RRP36: variants seen among roughly 807,000 people sequenced by gnomAD.
RRP36 encodes the protein ribosomal RNA processing protein 36 homolog.
Under a neutral mutation model 39.8 loss-of-function variants are expected in RRP36, and 44 were observed. The ratio of observed to expected loss-of-function variants is 1.10; its 90% CI spans 0.87 to 1.42. RRP36 has a LOEUF of 1.42. RRP36 is among the 40% of genes most tolerant of loss of function. RRP36 has a pLI of 0.00. For missense variants in RRP36, 316 were observed against 322.4 expected (o/e 0.98, Z 0.15); for synonymous variants, 124 against 123.1 (o/e 1.01, Z -0.05).
At chr6:43,021,876 A>G (rs1762720548) in intron 1 of RRP36, 92 bp downstream of exon 1, 3 of 994,918 alleles carry the variant, frequency 3.0e-6, no homozygotes, top group Non-Finnish European at 3.8e-6. Flanking sequence ...AAGACTGCCA[A>G]GTTCTCTAAG....
Position 43,026,068 on chromosome 6 carries a change from CAG to C in RRP36, c.378_379del (p.Glu128IlefsTer2). ...CGGGACCCTCGCTTTGATGATCTGT[CAG>C]GGGAATATAATCCTGAGGTGTTTGA... On this transcript the variant is annotated frameshift_variant, in exon 4 of 7. Transcript: ENST00000244496. LOFTEE classifies it high-confidence loss of function. 1.2e-6 allele frequency: 2 copies of C among 1,613,782 alleles called. No homozygotes were observed. The highest frequency in any genetic ancestry group is 1.1e-5 in the South Asian group (1 of 91,056).
In RRP36 at chr6:43,025,311, T is replaced by G. The variant is rs1308120959; in HGVS notation, c.327T>G (p.Val109=). Residue 109 remains valine, a synonymous_variant, in exon 3 of 7, where the codon GTT becomes GTG. Coordinates refer to ENST00000244496, the MANE Select transcript of RRP36 (RefSeq NM_033112.4). ...TCCGAGTACCATTTTTACGTCAGGTTGTTCCCATTAGTAAAAAGGTAAGGA... is the reference window on the plus strand; with the variant it reads ...TCCGAGTACCATTTTTACGTCAGGTGGTTCCCATTAGTAAAAAGGTAAGGA... ...AKIRVPFLRQ[V]VPISKKVARD... 2 of 1,613,722 alleles carry G rather than the reference T, an allele frequency of 1.2e-6. No individual in the cohort carries two copies. The highest frequency in any genetic ancestry group is 1.7e-6 in the Non-Finnish European group (2 of 1,180,032).
intron 4 of RRP36, 112 bp from the exon 5 acceptor site, chr6:43,027,066 A>C: frequency 1.1e-6 from 1 of 938,790 alleles, no homozygotes; most frequent in Non-Finnish European, 1.6e-6. Flanking sequence ...TGCATCTCAA[A>C]AAAAAATGTG....
At chr6:43,022,583 G>GTTTA (rs1258303730) in intron 1 of RRP36, among the ~76,000 whole-genome samples, 1 of 83,134 alleles carries the variant, frequency 1.2e-5, no homozygotes, top group African/African-American at 1.7e-4. Flanking sequence ...GCACGGATGG[G>GTTTA]TTTGTTTATT....
rs770632649 is a variant in RRP36, at chr6:43,029,205, C to CATCT, written c.758_761dup (p.Pro255SerfsTer44). 1 of 1,614,224 alleles carries CATCT rather than the reference C, an allele frequency of 6.2e-7. No individual in the cohort carries two copies. The highest frequency in any genetic ancestry group is 1.7e-5 in the Admixed American group (1 of 60,028). On this transcript the variant is annotated frameshift_variant, in exon 7 of 7. Transcript: ENST00000244496. LOFTEE classifies it high-confidence loss of function. ...ACGAAATGCAGGCAAGGACAGGAGA[C>CATCT]ATCTCCCTTTGAGCAAAGAGTAATA...
intron 4 of RRP36, among the ~76,000 whole-genome samples, chr6:43,026,786 C>T (rs907472356): frequency 6.6e-6 from 1 of 151,648 alleles, no homozygotes; most frequent in Non-Finnish European, 1.5e-5. Context: ...AGGTGGATCA[C>T]GAGGTCAGGA....
chr6:43,022,632 C>CATT (rs1554133649), intron 1 of RRP36, among the ~76,000 whole-genome samples: 4 of 107,096 alleles, frequency 3.7e-5, no homozygotes, highest in Non-Finnish European at 7.2e-5. Context: ...AAGGTCTCAC[C>CATT]TTTTTTTTTT....
At chr6:43,024,926 T>C (rs1762783328) in intron 1 of RRP36, 59 bp from the exon 2 acceptor site, 4 of 1,595,428 alleles carry the variant, frequency 2.5e-6, no homozygotes, top group Non-Finnish European at 3.4e-6. Flanking sequence ...GATGGGAAGA[T>C]GTCTTTTCTG....
chr6:43,021,719 C>T lies in RRP36; in HGVS notation c.65C>T (p.Ala22Val). 1 of 1,228,740 alleles carries T rather than the reference C, an allele frequency of 8.1e-7. No homozygotes were observed. The highest frequency in any genetic ancestry group is 3.2e-5 in the East Asian group (1 of 31,442). The allele number at this position is 1,228,740 out of a possible 1,614,324, so 76.1% of individuals were successfully genotyped here. ...AGAGARRPRG[A>V]RDREEDGGGL... ...GCCGGGGCCCGACGTCCCCGCGGGG[C>T]CCGGGACCGCGAGGAGGACGGCGGG... Residue 22 changes from alanine to valine, a missense_variant, in exon 1 of 7, where the codon GCC becomes GTC. Transcript: ENST00000244496.
Position 43,027,254 on chromosome 6 carries a change from T to C in RRP36, c.525+2T>C. 1.9e-6 allele frequency: 3 copies of C among 1,614,072 alleles called. No individual in the cohort carries two copies. The highest frequency in any genetic ancestry group is 2.5e-6 in the Non-Finnish European group (3 of 1,179,930). ...CTGCAGCAACTGCTTCAGCGAATGG[T>C]GAGTGGGTAATAATTGTGGTGGGTA... On this transcript the variant is annotated splice_donor_variant, in intron 5 of 6. Coordinates refer to ENST00000244496, the MANE Select transcript of RRP36 (RefSeq NM_033112.4). LOFTEE classifies it high-confidence loss of function.
chr6:43,025,389 G>C, intron 3 of RRP36, 60 bp downstream of exon 3: 2 of 1,460,564 alleles, frequency 1.4e-6, no homozygotes, highest in Non-Finnish European at 1.9e-6. Context: ...TTGGGAGCCC[G>C]AGGTGGGCGA....
At chr6:43,025,195 G>T (rs1762788505) in intron 2 of RRP36, 63 bp downstream of exon 2, 2 of 1,612,084 alleles carry the variant, frequency 1.2e-6, no homozygotes, top group Admixed American at 3.3e-5. Flanking sequence ...ATGTTGTCTT[G>T]GGTGACAGGT....
At chr6:43,028,677 G>A (rs1712428623) in intron 6 of RRP36, among the ~76,000 whole-genome samples, 3 of 151,210 alleles carry the variant, frequency 2.0e-5, no homozygotes, top group South Asian at 2.1e-4. Flanking sequence ...TTGGCCAGGC[G>A]CAGTGGCTCA....
Position 43,026,087 on chromosome 6 carries a change from G to A in RRP36, c.396G>A (p.Glu132=). The change falls in exon 4 of 7, where the codon GAG becomes GAA. Residue 132 remains glutamate (E), a synonymous_variant. Transcript: ENST00000244496. ...ATCTGTCAGGGGAATATAATCCTGA[G>A]GTGTTTGACAAAACATACCAATTCT... The part of the protein sequence containing the change: ...FDDLSGEYNP[E]VFDKTYQFLN... 2 of 1,613,956 alleles carry A rather than the reference G, an allele frequency of 1.2e-6. No individual in the cohort carries two copies. The highest frequency in any genetic ancestry group is 1.7e-6 in the Non-Finnish European group (2 of 1,179,898).
intron 6 of RRP36, among the ~76,000 whole-genome samples, chr6:43,027,712 A>ACCCC (rs397973528): frequency 2.2e-5 from 1 of 44,980 alleles, no homozygotes; most frequent in Admixed American, 3.1e-4. Context: ...CCACTTCCCA[A>ACCCC]CCCCCCCCCC....
chr6:43,027,332 GTT>G (rs779282670), intron 5 of RRP36, 26 bp from the exon 6 acceptor site: 3 of 1,613,106 alleles, frequency 1.9e-6, no homozygotes, highest in Non-Finnish European at 2.5e-6. Context: ...GATCCCTCCC[GTT>G]CACCCATCTC....
Position 43,021,764 on chromosome 6 carries a change from T to C in RRP36, c.110T>C (p.Val37Ala), listed in dbSNP as rs540615157. Reference sequence around the variant, plus strand: ...GGCGGGGGCCTGGAGCCCGCGGCCGTGGCCCGCGACCTATTGAGGGGTGAG... The same window carrying C: ...GGCGGGGGCCTGGAGCCCGCGGCCGCGGCCCGCGACCTATTGAGGGGTGAG... ...EDGGGLEPAAVARDLLRGTSN... is the reference protein window; with the variant it reads ...EDGGGLEPAAAARDLLRGTSN... Residue 37 changes from valine (V) to alanine (A), a missense_variant, in exon 1 of 7, where the codon GTG becomes GCG. Physicochemically the swap from Val to Ala is moderately conservative, Grantham distance 64. Coordinates refer to ENST00000244496, the MANE Select transcript of RRP36 (RefSeq NM_033112.4). 971 of 987,986 alleles carry C rather than the reference T, an allele frequency of 9.8e-4. 5 individuals are homozygous for C. The African/African-American group carries it at 0.016, about 16-fold the overall frequency. The allele number at this position is 987,986 out of a possible 1,614,324, so 61.2% of individuals were successfully genotyped here. A position where few individuals can be genotyped will look rare whatever the true frequency, so the allele number is the denominator to read the frequency against.
At position 43,026,071 on chromosome 6, in the gene RRP36, G is replaced by T; in HGVS notation, c.380G>T (p.Gly127Val). The T allele has an allele frequency of 6.2e-7, 1 of 1,613,884 alleles. No individual in the cohort carries two copies. Among genetic ancestry groups the T allele is most frequent in the Non-Finnish European group, 8.5e-7 (1 of 1,179,846 alleles). The change falls in exon 4 of 7, where the codon GGG becomes GTG. Residue 127 changes from glycine (G) to valine (V), a missense_variant. Transcript: ENST00000244496. ...ARDPRFDDLS[G>V]EYNPEVFDKT... ...GACCCTCGCTTTGATGATCTGTCAG[G>T]GGAATATAATCCTGAGGTGTTTGAC...
intron 3 of RRP36, among the ~76,000 whole-genome samples, 180 bp downstream of exon 3, chr6:43,025,509 G>C (rs557159260): frequency 9.3e-5 from 14 of 151,186 alleles, no homozygotes; most frequent in African/African-American, 3.4e-4. Flanking sequence ...TGTAGTCCCA[G>C]CTGCTTGGAA....
Sources: allele counts gnomAD v4.1 joint callset (sites outside exome capture counted in the v4.1 genomes callset), GRCh38; gene constraint gnomAD v4.1.1; transcripts MANE v1.5; gene names NCBI Gene and HGNC (gene_info 2026-07-23, HGNC 2026-07-21).